ASAP1: variants seen among roughly 807,000 people sequenced by gnomAD.
ASAP1 encodes ArfGAP with SH3 domain, ankyrin repeat and PH domain 1.
In ASAP1, 43 loss-of-function variants were observed where a neutral mutation model predicts 145.2. The observed-to-expected ratio is 0.30, with a 90% CI of 0.23 to 0.38. The LOEUF is 0.38. ASAP1 is among the 10% of genes least tolerant of loss of function. The pLI, the probability that ASAP1 is intolerant of heterozygous loss-of-function variation, is 1.00. For missense variants in ASAP1, 1,018 were observed against 1,355.3 expected (o/e 0.75, Z 3.91); for synonymous variants, 546 against 515.5 (o/e 1.06, Z -0.80).
intron 3 of ASAP1, among the ~76,000 whole-genome samples, chr8:130,324,165 G>A (rs1375425186): frequency 2.6e-5 from 4 of 152,158 alleles, no homozygotes; most frequent in African/African-American, 9.7e-5. Flanking sequence ...AGATCTGGAC[G>A]GTTCTGGCAG....
intron 3 of ASAP1, among the ~76,000 whole-genome samples, chr8:130,324,822 C>T (rs1824223549): frequency 6.6e-6 from 1 of 152,158 alleles, no homozygotes; most frequent in Non-Finnish European, 1.5e-5. Flanking sequence ...TTTTACAGCA[C>T]CTCTTTTGAA....
In ASAP1 at chr8:130,358,713, TCCCCGCCCGCGCCCCGCCCCCGGCCCGGC is replaced by T. The variant is rs1554893073; in HGVS notation, c.60-599_60-571del. On this transcript the variant is annotated intron_variant, in intron 2 of 29. Transcript: ENST00000518721. The surrounding 1 kb of genome is among the most constrained non-coding windows in gnomAD (Gnocchi z 4.1). ...CCCCCAGCCCCGCCCCCCCGGTCCC[TCCCCGCCCGCGCCCCGCCCCCGGCCCGGC>T]CCCCGCCCCGCCCCGCCCCCGCTCG... Among the ~76,000 whole-genome samples, 1 of 7,638 alleles carries T rather than the reference TCCCCGCCCGCGCCCCGCCCCCGGCCCGGC, an allele frequency of 1.3e-4. No homozygotes were observed. The highest frequency in any genetic ancestry group is 2.7e-4 in the Non-Finnish European group (1 of 3,760). 5.0% of individuals were successfully genotyped at this position (7,638 alleles called of 152,430 possible).
rs138661622 is a variant in ASAP1, at chr8:130,129,240, C to T, written c.1218-1150G>A. Among the ~76,000 whole-genome samples the T allele has an allele frequency of 3.2e-3, 484 of 152,296 alleles. 2 individuals are homozygous for T. The highest frequency in any genetic ancestry group is 0.011 in the African/African-American group (459 of 41,556). ...TTAAACTTCTTTCCTTTATAAATTA[C>T]CCAGTCTACAGTATTTCCTTATAGC... On this transcript the variant is annotated intron_variant, in intron 15 of 29. Coordinates refer to ENST00000518721, the MANE Select transcript of ASAP1 (RefSeq NM_018482.4).
At chr8:130,144,509 GT>G (rs1565012265) in intron 13 of ASAP1, among the ~76,000 whole-genome samples, 1 of 152,138 alleles carries the variant, frequency 6.6e-6, no homozygotes. Flanking sequence ...TTATCACACT[GT>G]TTCCCTGTCA....
intron 13 of ASAP1, among the ~76,000 whole-genome samples, chr8:130,143,904 C>A (rs1465129540): frequency 6.6e-6 from 1 of 152,176 alleles, no homozygotes; most frequent in Non-Finnish European, 1.5e-5. Context: ...TATTTCCTCC[C>A]ATCATCTTAC....
chr8:130,185,021 G>A (rs2136201826), intron 7 of ASAP1, among the ~76,000 whole-genome samples: 1 of 152,300 alleles, frequency 6.6e-6, no homozygotes, highest in Middle Eastern at 3.4e-3. Context: ...GAAGACCACA[G>A]AAAATGTCCA....
intron 1 of ASAP1, 72 bp from the exon 2 acceptor site, chr8:130,402,042 C>T: frequency 2.0e-6 from 2 of 1,021,804 alleles, no homozygotes; most frequent in Admixed American, 2.1e-5. Flanking sequence ...TTGTCTCAGA[C>T]CAAGATCGGA....
chr8:130,065,021 T>G (rs1212454924), intron 27 of ASAP1, among the ~76,000 whole-genome samples: 1 of 151,946 alleles, frequency 6.6e-6, no homozygotes, highest in East Asian at 1.9e-4. Context: ...ACTACAGGCC[T>G]GTGTCACCAT....
intron 3 of ASAP1, among the ~76,000 whole-genome samples, chr8:130,253,677 G>C (rs1396085388): frequency 6.6e-6 from 1 of 152,148 alleles, no homozygotes; most frequent in East Asian, 1.9e-4. Flanking sequence ...AAATAGGTAT[G>C]TATGTACATG....
intron 24 of ASAP1, among the ~76,000 whole-genome samples, chr8:130,107,180 CTTCTTTTTTTT>C (rs1434055834): frequency 2.6e-5 from 3 of 113,862 alleles, no homozygotes; most frequent in African/African-American, 6.7e-5. Flanking sequence ...CTCTCTTCTT[CTTCTTTTTTTT>C]TTTTTTTTTG....
In ASAP1 at chr8:130,250,750, C is replaced by A. The variant is rs200066208; in HGVS notation, c.187-13756G>T. Reference sequence around the variant, plus strand: ...GAAGAATTGCTTCTCATAAAAAAAACTGATGGAGTTAAAAAAAAATCCAAA... The same window carrying A: ...GAAGAATTGCTTCTCATAAAAAAAAATGATGGAGTTAAAAAAAAATCCAAA... On this transcript the variant is annotated intron_variant, in intron 3 of 29. Coordinates refer to ENST00000518721, the MANE Select transcript of ASAP1 (RefSeq NM_018482.4). Among the ~76,000 whole-genome samples the A allele has an allele frequency of 2.6e-5, 4 of 151,738 alleles. No individual in the cohort carries two copies. In the East Asian group the frequency reaches 7.7e-4, roughly 29 times the overall value.
chr8:130,156,022 AT>A (rs1384112666), intron 12 of ASAP1, among the ~76,000 whole-genome samples: 1 of 152,220 alleles, frequency 6.6e-6, no homozygotes, highest in African/African-American at 2.4e-5. Flanking sequence ...CCTTTTCTGT[AT>A]TACAAAGACA....
At chr8:130,423,775 T>C (rs986460902) in intron 1 of ASAP1, among the ~76,000 whole-genome samples, 11 of 151,856 alleles carry the variant, frequency 7.2e-5, no homozygotes, top group African/African-American at 2.2e-4. Flanking sequence ...TGGATGATGA[T>C]TATTTGCTTC....
At chr8:130,080,266 G>A (rs1198527547) in intron 25 of ASAP1, among the ~76,000 whole-genome samples, 11 of 152,216 alleles carry the variant, frequency 7.2e-5, no homozygotes, top group Non-Finnish European at 1.6e-4. Context: ...TCAGGATCTT[G>A]TCCTTAGTTT....
intron 1 of ASAP1, among the ~76,000 whole-genome samples, chr8:130,405,783 G>A (rs16904263): frequency 0.12 from 18,787 of 152,118 alleles, 1,303 homozygotes; most frequent in South Asian, 0.28. Context: ...CCTCACCCAC[G>A]GCACTTGGAG....
At chr8:130,399,991 G>A (rs1161115780) in intron 2 of ASAP1, among the ~76,000 whole-genome samples, 1 of 151,944 alleles carries the variant, frequency 6.6e-6, no homozygotes, top group East Asian at 1.9e-4. Flanking sequence ...AGCTAATTTT[G>A]TCTTTTTTAG....
chr8:130,337,229 T>C (rs1825092913), intron 3 of ASAP1, among the ~76,000 whole-genome samples: 1 of 152,230 alleles, frequency 6.6e-6, no homozygotes, highest in Non-Finnish European at 1.5e-5. Flanking sequence ...ACATTTAAGT[T>C]TGATTTAGGA....
At position 130,358,742 on chromosome 8, in the gene ASAP1, CCCCCG is replaced by C. The variant is rs1215504863; in HGVS notation, c.60-604_60-600del. On this transcript the variant is annotated intron_variant, in intron 2 of 29. Transcript: ENST00000518721. This position sits in a 1 kb window ranked among gnomAD's most constrained non-coding sequence, Gnocchi z 4.1. ...CGCCCGCGCCCCGCCCCCGGCCCGG[CCCCCG>C]CCCCGCCCCGCCCCCGCTCGCGCAC... 6.5e-5 allele frequency among the ~76,000 whole-genome samples: 9 copies of C among 138,604 alleles called. No homozygotes were observed. Among genetic ancestry groups the C allele is most frequent in the Non-Finnish European group, 1.1e-4 (7 of 63,072 alleles). 90.9% of individuals were successfully genotyped at this position (138,604 alleles called of 152,430 possible).
intron 27 of ASAP1, among the ~76,000 whole-genome samples, chr8:130,072,822 T>TGTGTGTGTGC (rs1554816353): frequency 3.8e-5 from 1 of 26,036 alleles, no homozygotes; most frequent in African/African-American, 1.4e-4. Context: ...TGTGTGTGTG[T>TGTGTGTGTGC]GTGCGCGCGG....
Sources: allele counts gnomAD v4.1 joint callset (sites outside exome capture counted in the v4.1 genomes callset), GRCh38; gene constraint gnomAD v4.1.1; non-coding constraint Gnocchi (gnomAD v3.1); transcripts MANE v1.5; gene names NCBI Gene and HGNC (gene_info 2026-07-23, HGNC 2026-07-21).